The following XKR4 variants were observed in gnomAD, a reference collection of about 807,000 sequenced individuals.
XKR4 encodes the protein XK related 4.
Under a neutral mutation model 53.9 loss-of-function variants are expected in XKR4, and 12 were observed. The ratio of observed to expected loss-of-function variants is 0.22; its 90% CI spans 0.14 to 0.36. The LOEUF (loss-of-function observed/expected upper bound fraction) is 0.36. XKR4 is among the 10% of genes least tolerant of loss of function. The pLI, the probability that XKR4 is intolerant of heterozygous loss-of-function variation, is 1.00. For synonymous variants in XKR4, 354 were observed against 362.4 expected (o/e 0.98, Z 0.26); for missense variants, 799 against 859.5 (o/e 0.93, Z 0.88).
intron 2 of XKR4, among the ~76,000 whole-genome samples, chr8:55,376,225 A>G (rs1038325811): frequency 5.9e-5 from 9 of 152,182 alleles, no homozygotes; most frequent in African/African-American, 2.2e-4. Context: ...AATGATTTAT[A>G]TTCCTTTGGG....
intron 1 of XKR4, among the ~76,000 whole-genome samples, chr8:55,338,538 C>A (rs963830475): frequency 3.3e-5 from 5 of 152,174 alleles, no homozygotes; most frequent in Admixed American, 1.3e-4. Flanking sequence ...TCAAGGGGTG[C>A]CCCATCACAT....
intron 1 of XKR4, among the ~76,000 whole-genome samples, chr8:55,306,567 A>T (rs1819304256): frequency 6.6e-6 from 1 of 152,216 alleles, no homozygotes; most frequent in Non-Finnish European, 1.5e-5. Flanking sequence ...GCAGGAAATA[A>T]AGAGCTTGTG....
At chr8:55,342,529 G>A (rs567200282) in intron 1 of XKR4, among the ~76,000 whole-genome samples, 15 of 152,096 alleles carry the variant, frequency 9.9e-5, no homozygotes, top group Middle Eastern at 3.4e-3. Context: ...TGATCAGACC[G>A]TCCCACTGCC....
intron 2 of XKR4, among the ~76,000 whole-genome samples, chr8:55,481,176 G>T (rs560093404): frequency 3.2e-4 from 43 of 133,660 alleles, no homozygotes; most frequent in African/African-American, 1.5e-3. Context: ...AAACAAAACA[G>T]CATGGTACTG....
At chr8:55,488,218 T>C (rs1806222899) in intron 2 of XKR4, among the ~76,000 whole-genome samples, 1 of 152,128 alleles carries the variant, frequency 6.6e-6, no homozygotes, top group Non-Finnish European at 1.5e-5. Flanking sequence ...CACCAAATAC[T>C]GATGAGGATG....
chr8:55,420,620 C>T (rs908639385), intron 2 of XKR4, among the ~76,000 whole-genome samples: 4 of 126,742 alleles, frequency 3.2e-5, no homozygotes, highest in African/African-American at 9.3e-5. Flanking sequence ...GAACATCGCA[C>T]TCCGGGGACT....
At position 55,529,756 on chromosome 8, in the gene XKR4, G is replaced by A. The variant is rs1448080734; in HGVS notation, c.*5529G>A. The A allele has an allele frequency of 6.6e-6, 1 of 152,102 alleles. No homozygotes were observed. The highest frequency in any genetic ancestry group is 1.5e-5 in the Non-Finnish European group (1 of 68,016). 9.4% of individuals were successfully genotyped at this position (152,102 alleles called of 1,614,324 possible). A position where few individuals can be genotyped will look rare whatever the true frequency, so the allele number is the denominator to read the frequency against. ...AGTCTTCAGAAGAAACAGAATCATG[G>A]TCTGATGATCAAATTTTTCCAAGAA... On this transcript the variant is annotated 3_prime_UTR_variant, in exon 3 of 3. Transcript: ENST00000327381.
intron 2 of XKR4, among the ~76,000 whole-genome samples, chr8:55,408,562 C>T (rs1356845500): frequency 6.6e-6 from 1 of 152,154 alleles, no homozygotes; most frequent in African/African-American, 2.4e-5. Context: ...GCTGGAAGTC[C>T]AGAGCGTCAG....
intron 1 of XKR4, among the ~76,000 whole-genome samples, chr8:55,235,302 T>A (rs1370495446): frequency 6.6e-6 from 1 of 152,194 alleles, no homozygotes; most frequent in African/African-American, 2.4e-5. Context: ...ACTAATTACA[T>A]CTGCAAAAAC....
At chr8:55,163,388 G>T (rs1009301955) in intron 1 of XKR4, among the ~76,000 whole-genome samples, 1 of 152,172 alleles carries the variant, frequency 6.6e-6, no homozygotes, top group Non-Finnish European at 1.5e-5. Flanking sequence ...CAAGTAAATG[G>T]CAAAAGAGGC....
intron 1 of XKR4, among the ~76,000 whole-genome samples, chr8:55,324,288 G>A (rs181296914): frequency 6.6e-6 from 1 of 152,096 alleles, no homozygotes; most frequent in East Asian, 1.9e-4. Flanking sequence ...TAGAGACAGG[G>A]TCTTGCTACA....
At chr8:55,187,409 T>C (rs910348012) in intron 1 of XKR4, among the ~76,000 whole-genome samples, 5 of 151,744 alleles carry the variant, frequency 3.3e-5, no homozygotes, top group Non-Finnish European at 1.5e-5. Flanking sequence ...GGGAGAATTA[T>C]AGACTGAAGT....
intron 1 of XKR4, among the ~76,000 whole-genome samples, chr8:55,284,997 G>T (rs923399088): frequency 6.6e-6 from 1 of 152,056 alleles, no homozygotes; most frequent in Non-Finnish European, 1.5e-5. Context: ...TGCCCCAAAC[G>T]CTCAGGCTCT....
Position 55,175,772 on chromosome 8 carries a change from G to T in XKR4, c.806+72478G>T, listed in dbSNP as rs151047961. 3.6e-3 allele frequency among the ~76,000 whole-genome samples: 550 copies of T among 152,312 alleles called. 4 individuals carry two copies. Among genetic ancestry groups the T allele is most frequent in the African/African-American group, 0.013 (531 of 41,558 alleles). On this transcript the variant is annotated intron_variant, in intron 1 of 2. Transcript: ENST00000327381. ...GTGATCTGCTTTTGTGTTATTTATA[G>T]AGAAGACCATATCAGTGTGTAATAA...
intron 1 of XKR4, among the ~76,000 whole-genome samples, chr8:55,149,647 C>A (rs1816815567): frequency 6.6e-6 from 1 of 152,094 alleles, no homozygotes. Flanking sequence ...AGAAGATGCC[C>A]CAAGCTCTGG....
intron 2 of XKR4, among the ~76,000 whole-genome samples, chr8:55,389,995 C>T (rs1804420642): frequency 6.6e-6 from 1 of 152,136 alleles, no homozygotes; most frequent in Non-Finnish European, 1.5e-5. Context: ...TGTTCAGAGG[C>T]CTCTGAAATG....
At chr8:55,229,209 C>T (rs1028031329) in intron 1 of XKR4, among the ~76,000 whole-genome samples, 1 of 152,160 alleles carries the variant, frequency 6.6e-6, no homozygotes, top group Non-Finnish European at 1.5e-5. Context: ...TGCCCACTCT[C>T]TGAAAGGGGC....
intron 1 of XKR4, among the ~76,000 whole-genome samples, chr8:55,142,908 C>T (rs1388408247): frequency 1.3e-5 from 2 of 152,178 alleles, no homozygotes; most frequent in Non-Finnish European, 1.5e-5. Flanking sequence ...GCCTGAAGGC[C>T]CCTTTGATGC....
intron 1 of XKR4, among the ~76,000 whole-genome samples, chr8:55,180,492 C>T (rs1259914217): frequency 6.6e-6 from 1 of 152,158 alleles, no homozygotes; most frequent in East Asian, 1.9e-4. Context: ...ACTTGGGAGA[C>T]ATTTTTCTAG....
Sources: allele counts gnomAD v4.1 joint callset (sites outside exome capture counted in the v4.1 genomes callset), GRCh38; gene constraint gnomAD v4.1.1; transcripts MANE v1.5; gene names NCBI Gene and HGNC (gene_info 2026-07-23, HGNC 2026-07-21).